TACR1: variants seen among roughly 807,000 people sequenced by gnomAD.
The protein encoded by TACR1 is tachykinin receptor 1.
In TACR1, 25 loss-of-function variants were observed where a neutral mutation model predicts 35.8. The ratio of observed to expected loss-of-function variants is 0.70; its 90% CI spans 0.51 to 0.98. TACR1 has a LOEUF of 0.98. TACR1 is among the 50% of genes least tolerant of loss of function. The pLI, the probability that TACR1 is intolerant of heterozygous loss-of-function variation, is 0.00. For synonymous variants in TACR1, 195 were observed against 206.7 expected, an observed-to-expected ratio of 0.94 and a Z score of 0.48; for missense variants, 478 against 522.9, an observed-to-expected ratio of 0.91 and a Z score of 0.84.
At chr2:75,186,371 C>CAAT (rs1675699556) in intron 1 of TACR1, among the ~76,000 whole-genome samples, 1 of 81,828 alleles carries the variant, frequency 1.2e-5, no homozygotes, top group South Asian at 4.6e-4. Context: ...GACTCTGTCT[C>CAAT]AAAAAAAAAA....
At position 75,102,514 on chromosome 2, in the gene TACR1, A is replaced by T. The variant is rs1182841411; in HGVS notation, c.584+18060T>A. On this transcript the variant is annotated intron_variant, in intron 2 of 4. Transcript: ENST00000305249. The stretch of plus-strand genomic sequence containing the variant: ...GAACATTGACAGTAAGTGTTAGGTT[A>T]TGGGAAGACTTACTATTTAAATCCT... 3.3e-5 allele frequency among the ~76,000 whole-genome samples: 5 copies of T among 152,258 alleles called. No individual in the cohort carries two copies. The East Asian group carries it at 5.8e-4, about 18-fold the overall frequency.
chr2:75,166,417 A>C (rs1675144318), intron 1 of TACR1, among the ~76,000 whole-genome samples: 1 of 152,232 alleles, frequency 6.6e-6, no homozygotes, highest in African/African-American at 2.4e-5. Context: ...TTTTAATATG[A>C]AGGCTGCTTT....
intron 2 of TACR1, among the ~76,000 whole-genome samples, chr2:75,081,208 C>T (rs188617867): frequency 6.8e-4 from 103 of 152,280 alleles, no homozygotes; most frequent in Admixed American, 1.5e-3. Context: ...GTAAACAAAA[C>T]AAGACTGTAT....
intron 1 of TACR1, 105 bp from the exon 2 acceptor site, chr2:75,120,873 T>G: frequency 1.1e-6 from 1 of 895,650 alleles, no homozygotes; most frequent in Non-Finnish European, 1.6e-6. Flanking sequence ...AACCCTTTGA[T>G]TCCTGATGAT....
chr2:75,099,864 T>TG (rs1319439857), intron 2 of TACR1, among the ~76,000 whole-genome samples: 4 of 152,344 alleles, frequency 2.6e-5, no homozygotes, highest in South Asian at 2.1e-4. Flanking sequence ...TATGAGCTTA[T>TG]GACTCACGTT....
intron 1 of TACR1, chr2:75,188,174 C>T (rs1675752511): frequency 6.6e-6 from 1 of 152,108 alleles, no homozygotes; most frequent in African/African-American, 2.4e-5. Context: ...CCCTTGGCTC[C>T]CTGGGACTAT....
chr2:75,105,165 A>C (rs1299387536), intron 2 of TACR1, among the ~76,000 whole-genome samples: 1 of 152,130 alleles, frequency 6.6e-6, no homozygotes, highest in Non-Finnish European at 1.5e-5. Flanking sequence ...TAGATAAAGA[A>C]AATGTGATAA....
At chr2:75,119,328 A>G (rs895739821) in intron 2 of TACR1, among the ~76,000 whole-genome samples, 8 of 152,204 alleles carry the variant, frequency 5.3e-5, no homozygotes, top group Admixed American at 3.9e-4. Flanking sequence ...TCTCATTTTA[A>G]TAACGAGGAG....
chr2:75,157,366 T>A (rs1380391116), intron 1 of TACR1, among the ~76,000 whole-genome samples: 3 of 152,128 alleles, frequency 2.0e-5, no homozygotes, highest in Non-Finnish European at 4.4e-5. Flanking sequence ...TACTCAAGCT[T>A]CTCTTTCCTA....
chr2:75,124,193 G>A (rs1674027082), intron 1 of TACR1, among the ~76,000 whole-genome samples: 4 of 152,194 alleles, frequency 2.6e-5, no homozygotes, highest in Admixed American at 2.0e-4. Context: ...AAAAACCTGA[G>A]ATGTAGCCTT....
intron 2 of TACR1, among the ~76,000 whole-genome samples, chr2:75,070,975 CAAAG>C (rs779693396): frequency 1.3e-5 from 2 of 151,792 alleles, no homozygotes; most frequent in African/African-American, 2.4e-5. Context: ...GAAAAAAAAA[CAAAG>C]AAGAATATTG....
intron 1 of TACR1, among the ~76,000 whole-genome samples, chr2:75,197,321 A>C (rs1558590592): frequency 6.6e-6 from 1 of 152,240 alleles, no homozygotes; most frequent in Non-Finnish European, 1.5e-5. Flanking sequence ...AAAGACTTCT[A>C]ATAATTTGCA....
At chr2:75,170,703 T>A (rs1392143180) in intron 1 of TACR1, among the ~76,000 whole-genome samples, 1 of 152,188 alleles carries the variant, frequency 6.6e-6, no homozygotes. Flanking sequence ...AGGAACTTGC[T>A]GGGAACTGGA....
intron 3 of TACR1, among the ~76,000 whole-genome samples, chr2:75,051,797 C>G (rs1451536280): frequency 6.6e-6 from 1 of 152,226 alleles, no homozygotes; most frequent in East Asian, 1.9e-4. Flanking sequence ...CTGATGCATA[C>G]TCACATTTGG....
At chr2:75,189,477 A>C (rs1378741875) in intron 1 of TACR1, 2 of 152,206 alleles carry the variant, frequency 1.3e-5, no homozygotes, top group Non-Finnish European at 2.9e-5. Flanking sequence ...ATCAATATAC[A>C]TTGCTTTGTA....
intron 2 of TACR1, among the ~76,000 whole-genome samples, chr2:75,120,179 G>A (rs555741699): frequency 1.2e-4 from 19 of 152,268 alleles, no homozygotes; most frequent in African/African-American, 4.3e-4. Context: ...GAGCTGCTGG[G>A]AGTGGGAGGT....
At chr2:75,150,712 C>T (rs971341714) in intron 1 of TACR1, among the ~76,000 whole-genome samples, 1 of 152,024 alleles carries the variant, frequency 6.6e-6, no homozygotes, top group Admixed American at 6.6e-5. Context: ...TGAAAAGATA[C>T]CTGAAAATGT....
intron 2 of TACR1, among the ~76,000 whole-genome samples, chr2:75,098,941 C>T (rs1337902832): frequency 6.7e-6 from 1 of 150,286 alleles, no homozygotes; most frequent in Non-Finnish European, 1.5e-5. Context: ...CTTGCTCTCA[C>T]ATTTATTCCC....
intron 1 of TACR1, among the ~76,000 whole-genome samples, chr2:75,130,613 GT>G (rs1674159573): frequency 6.6e-6 from 1 of 152,218 alleles, no homozygotes; most frequent in African/African-American, 2.4e-5. Flanking sequence ...CAAATGAAAA[GT>G]TTAGTACTGG....
Sources: gnomAD v4.1 joint callset for allele counts (sites outside exome capture counted in the v4.1 genomes callset) on GRCh38, gnomAD v4.1.1 for gene constraint, MANE v1.5 for transcripts, NCBI Gene and HGNC (gene_info 2026-07-23, HGNC 2026-07-21) for gene names.